Variants in TMEM272 observed in about 807,000 individuals in gnomAD.
The protein encoded by TMEM272 is long intergenic non-protein coding RNA 282.
A neutral mutation model predicts 3.7 loss-of-function variants in TMEM272; 8 were observed. That is an observed-to-expected ratio of 2.17 (90% CI 1.27 to 3.91). The LOEUF is 3.91. Ranked by LOEUF, TMEM272 falls within the 30% of genes most tolerant of loss-of-function variation. The probability of loss-of-function intolerance (pLI) is 0.00; values close to 1 mark genes in which losing one functional copy is unlikely to be tolerated. For missense variants in TMEM272, 166 were observed against 91.5 expected (o/e 1.81, Z -3.32); for synonymous variants, 63 against 39.8 (o/e 1.58, Z -2.20).
the TMEM272 span, among the ~76,000 whole-genome samples, chr13:51,897,362 A>ATTTTTTTTTTTTTT: frequency 2.4e-4 from 20 of 82,440 alleles, 2 homozygotes; most frequent in Admixed American, 4.8e-4. Flanking sequence ...TGTCTGGCTA[A>ATTTTTTTTTTTTTT]TTTTTTTTTT....
the TMEM272 span, among the ~76,000 whole-genome samples, chr13:51,870,491 AG>A: frequency 6.6e-6 from 1 of 150,622 alleles, no homozygotes; most frequent in Non-Finnish European, 1.5e-5. Flanking sequence ...GTCCAGTTAA[AG>A]ATAACAAAGC....
At chr13:51,905,170 GAGA>G in the TMEM272 span, among the ~76,000 whole-genome samples, 1 of 152,240 alleles carries the variant, frequency 6.6e-6, no homozygotes, top group Non-Finnish European at 1.5e-5. Flanking sequence ...CCCTAAGCAG[GAGA>G]AGAAATGTCA....
chr13:51,914,492 G>A, the TMEM272 span, among the ~76,000 whole-genome samples: 1 of 152,214 alleles, frequency 6.6e-6, no homozygotes, highest in African/African-American at 2.4e-5. Context: ...CAGGGGACAG[G>A]GGCTGGAAGG....
the TMEM272 span, among the ~76,000 whole-genome samples, chr13:51,881,273 C>T: frequency 3.3e-5 from 5 of 152,088 alleles, no homozygotes; most frequent in Admixed American, 1.3e-4. Flanking sequence ...AATTGTCATT[C>T]ACCAGGGATA....
At chr13:51,918,803 CTT>C in the TMEM272 span, among the ~76,000 whole-genome samples, 16 of 81,036 alleles carry the variant, frequency 2.0e-4, no homozygotes, top group Admixed American at 6.4e-4. Context: ...TTTTGAAATT[CTT>C]TTTTTTTTTT....
At chr13:51,861,526 A>T in the TMEM272 span, among the ~76,000 whole-genome samples, 3 of 152,206 alleles carry the variant, frequency 2.0e-5, no homozygotes, top group African/African-American at 7.2e-5. Flanking sequence ...GAACTTGTAA[A>T]CAGGTTAATT....
At chr13:51,868,226 C>T in the TMEM272 span, among the ~76,000 whole-genome samples, 9 of 152,198 alleles carry the variant, frequency 5.9e-5, no homozygotes, top group Non-Finnish European at 1.3e-4. Context: ...TTCTTGCCTA[C>T]GGGAAGCTTT....
At chr13:51,906,435 A>G in the TMEM272 span, among the ~76,000 whole-genome samples, 8 of 152,204 alleles carry the variant, frequency 5.3e-5, no homozygotes, top group Non-Finnish European at 1.0e-4. Flanking sequence ...AAAAACTAGG[A>G]TAATGAGGCC....
At chr13:51,822,034 C>T in intron 4 of TMEM272, 21 bp downstream of exon 4, 4 of 702,488 alleles carry the variant, frequency 5.7e-6, no homozygotes, top group Non-Finnish European at 1.0e-5. Context: ...GGACTACAAA[C>T]AGCAGATAAA....
the TMEM272 span, among the ~76,000 whole-genome samples, chr13:51,860,956 G>T: frequency 3.9e-5 from 6 of 151,936 alleles, no homozygotes; most frequent in Non-Finnish European, 8.8e-5. Context: ...TCCACTGACA[G>T]ATGAATGGAT....
chr13:51,912,430 A>G, the TMEM272 span, among the ~76,000 whole-genome samples: 1 of 152,154 alleles, frequency 6.6e-6, no homozygotes, highest in African/African-American at 2.4e-5. Context: ...CAGAGCTCCC[A>G]GCCCACAGTA....
the TMEM272 span, among the ~76,000 whole-genome samples, chr13:51,902,892 AG>A: frequency 3.3e-5 from 5 of 152,256 alleles, no homozygotes; most frequent in African/African-American, 4.8e-5. Flanking sequence ...TGTGATGCCG[AG>A]GGAGTGGATA....
chr13:51,841,575 A>G (rs1020040947), intron 1 of TMEM272, among the ~76,000 whole-genome samples: 2 of 152,220 alleles, frequency 1.3e-5, no homozygotes, highest in Non-Finnish European at 2.9e-5. Flanking sequence ...ACAATGTTTC[A>G]CCACAAAAAG....
the TMEM272 span, among the ~76,000 whole-genome samples, chr13:51,864,388 T>C: frequency 6.6e-6 from 1 of 152,208 alleles, no homozygotes; most frequent in Non-Finnish European, 1.5e-5. Context: ...ACTCTGACTT[T>C]GGGACTCACT....
chr13:51,896,330 TGAGA>T, the TMEM272 span, among the ~76,000 whole-genome samples: 8,629 of 152,262 alleles, frequency 0.057, 619 homozygotes, highest in African/African-American at 0.17. Flanking sequence ...TGTGTGTGTA[TGAGA>T]GAGACAGAGA....
rs1269987230 is a variant in TMEM272, at chr13:51,816,663, G to GTGTGTGTGTGTGTGCGTC, written c.*70_*87dup. On this transcript the variant is annotated 3_prime_UTR_variant, in exon 5 of 5. Coordinates refer to ENST00000629372, the MANE Select transcript of TMEM272 (RefSeq NM_001351003.2). The stretch of plus-strand genomic sequence containing the variant: ...TGCCCTTCTCTGAACCTGTGTGTGT[G>GTGTGTGTGTGTGTGCGTC]TGTGTGTGTGTGTGCGTCTGTGTGT... 1.6e-6 allele frequency: 1 copy of GTGTGTGTGTGTGTGCGTC among 628,026 alleles called. No homozygotes were observed. The highest frequency in any genetic ancestry group is 2.9e-6 in the Non-Finnish European group (1 of 346,176). 38.9% of individuals were successfully genotyped at this position (628,026 alleles called of 1,614,324 possible).
At chr13:51,862,721 G>T in the TMEM272 span, among the ~76,000 whole-genome samples, 116 of 152,282 alleles carry the variant, frequency 7.6e-4, no homozygotes, top group Middle Eastern at 3.4e-3. Context: ...GAACTGAAGT[G>T]AGGTTGGGCA....
the TMEM272 span, among the ~76,000 whole-genome samples, chr13:51,888,314 G>A: frequency 6.6e-6 from 1 of 152,152 alleles, no homozygotes; most frequent in African/African-American, 2.4e-5. Context: ...CCAAAGTGCT[G>A]TGATTACAGG....
chr13:51,855,988 T>TAAAG, the TMEM272 span, among the ~76,000 whole-genome samples: 58 of 152,214 alleles, frequency 3.8e-4, no homozygotes, highest in African/African-American at 1.4e-3. Context: ...TTGCAGTAAA[T>TAAAG]AGTTTAATTG....
Sources: allele counts gnomAD v4.1 joint callset (sites outside exome capture counted in the v4.1 genomes callset), GRCh38; gene constraint gnomAD v4.1.1; transcripts MANE v1.5; gene names NCBI Gene and HGNC (gene_info 2026-07-23, HGNC 2026-07-21).